The following JADE1 variants were observed in gnomAD, a reference collection of about 807,000 sequenced individuals.
JADE1 encodes protein Jade-1.
In JADE1, 14 loss-of-function variants were observed where a neutral mutation model predicts 81.8. The observed-to-expected ratio is 0.17, with a 90% CI of 0.11 to 0.27. JADE1 has a LOEUF of 0.27. Among genes scored for constraint, JADE1 ranks in the 10% least tolerant of loss-of-function variants. The pLI, the probability that JADE1 is intolerant of heterozygous loss-of-function variation, is 1.00. For synonymous variants in JADE1, 353 were observed against 391.9 expected (o/e 0.90, Z 1.17); for missense variants, 690 against 1,047.9 (o/e 0.66, Z 4.71).
At chr4:128,837,570 CAAAT>C (rs1368207652) in intron 2 of JADE1, among the ~76,000 whole-genome samples, 1 of 152,156 alleles carries the variant, frequency 6.6e-6, no homozygotes, top group Non-Finnish European at 1.5e-5. Context: ...GCCGCTAAAA[CAAAT>C]AAACAGTAAC....
chr4:128,821,870 A>G (rs1432653912), intron 1 of JADE1, among the ~76,000 whole-genome samples: 1 of 152,030 alleles, frequency 6.6e-6, no homozygotes, highest in Non-Finnish European at 1.5e-5. Flanking sequence ...GTTTTTTTCT[A>G]TTATTATTGC....
chr4:128,842,766 T>G (rs1729550924), intron 2 of JADE1, among the ~76,000 whole-genome samples, 187 bp from the exon 3 acceptor site: 1 of 152,174 alleles, frequency 6.6e-6, no homozygotes, highest in South Asian at 2.1e-4. Flanking sequence ...GGCCTGCTTA[T>G]GAGAGGTGAG....
At chr4:128,868,081 G>T in intron 10 of JADE1, 108 bp downstream of exon 10, 1 of 614,526 alleles carries the variant, frequency 1.6e-6, no homozygotes, top group Non-Finnish European at 2.9e-6. Flanking sequence ...AAGAATTTAA[G>T]AAGCATAGAC....
rs367597480 is a variant in JADE1, at chr4:128,867,879, G to A, written c.1527G>A (p.Val509=). ...LERVRNLTYM[V]TRREKIKRSV... is the part of the protein sequence containing the mutation. ...AGGTTCGGAACCTCACTTACATGGT[G>A]ACCCGCAGGGAAAAGATTAAACGGT... The change falls in exon 10 of 11, where the codon GTG becomes GTA. Residue 509 remains valine, a synonymous_variant. Coordinates refer to ENST00000226319, the MANE Select transcript of JADE1 (RefSeq NM_199320.4). 4 of 1,613,062 alleles carry A rather than the reference G, an allele frequency of 2.5e-6. No homozygotes were observed. In the African/African-American group the frequency reaches 5.3e-5, roughly 22 times the overall value.
At chr4:128,830,646 T>A (rs537255786) in intron 1 of JADE1, among the ~76,000 whole-genome samples, 46 of 152,350 alleles carry the variant, frequency 3.0e-4, no homozygotes, top group African/African-American at 1.1e-3. Context: ...ACTACCATAC[T>A]TTTTCTCACT....
chr4:128,834,858 T>C (rs1728855085), intron 2 of JADE1, among the ~76,000 whole-genome samples: 1 of 152,036 alleles, frequency 6.6e-6, no homozygotes, highest in South Asian at 2.1e-4. Context: ...AAAATATATA[T>C]GTTCAGGATG....
At chr4:128,858,574 T>C (rs763042586) in intron 8 of JADE1, among the ~76,000 whole-genome samples, 2 of 151,182 alleles carry the variant, frequency 1.3e-5, no homozygotes, top group Non-Finnish European at 2.9e-5. Context: ...TTTTGACTGA[T>C]AAATACTTTT....
At chr4:128,868,461 T>G (rs1731946256) in intron 10 of JADE1, among the ~76,000 whole-genome samples, 1 of 152,220 alleles carries the variant, frequency 6.6e-6, no homozygotes. Context: ...ACAGTAGATT[T>G]TTTTTGTGTA....
At chr4:128,832,071 C>G (rs919365945) in intron 2 of JADE1, among the ~76,000 whole-genome samples, 1 of 152,176 alleles carries the variant, frequency 6.6e-6, no homozygotes, top group Non-Finnish European at 1.5e-5. Context: ...CCAAGAGTCA[C>G]TGGTGTGTCT....
chr4:128,856,010 G>A (rs867080491), intron 7 of JADE1, among the ~76,000 whole-genome samples: 1 of 152,000 alleles, frequency 6.6e-6, no homozygotes, highest in Non-Finnish European at 1.5e-5. Context: ...GTAGTGAGGG[G>A]ATCTCACTTT....
chr4:128,860,301 G>A (rs1370846765), intron 8 of JADE1, among the ~76,000 whole-genome samples: 2 of 152,132 alleles, frequency 1.3e-5, no homozygotes, highest in African/African-American at 4.8e-5. Flanking sequence ...CAGTCTCTGT[G>A]GTTGAAGTGT....
intron 1 of JADE1, among the ~76,000 whole-genome samples, chr4:128,829,861 A>G (rs556084705): frequency 6.6e-6 from 1 of 151,554 alleles, no homozygotes; most frequent in Non-Finnish European, 1.5e-5. Flanking sequence ...TTCTTGTTCT[A>G]TCACAGTGGT....
intron 2 of JADE1, among the ~76,000 whole-genome samples, chr4:128,833,625 C>T (rs528826495): frequency 4.6e-5 from 7 of 152,216 alleles, no homozygotes; most frequent in Admixed American, 2.0e-4. Flanking sequence ...ACCCAGGAGA[C>T]GGAGGTTGCA....
At chr4:128,866,690 C>G (rs1378003584) in intron 9 of JADE1, among the ~76,000 whole-genome samples, 1 of 152,084 alleles carries the variant, frequency 6.6e-6, no homozygotes, top group African/African-American at 2.4e-5. Flanking sequence ...ATAAAGGTGT[C>G]AGGGGAAGAG....
intron 5 of JADE1, 109 bp downstream of exon 5, chr4:128,849,276 A>G (rs1369010147): frequency 6.7e-6 from 6 of 899,118 alleles, no homozygotes; most frequent in Non-Finnish European, 1.0e-5. Flanking sequence ...AGGCAGCTCC[A>G]TCATAGCTTT....
At chr4:128,868,752 A>G (rs1731969387) in intron 10 of JADE1, among the ~76,000 whole-genome samples, 1 of 152,178 alleles carries the variant, frequency 6.6e-6, no homozygotes, top group African/African-American at 2.4e-5. Context: ...CCCCAAAAGT[A>G]GGTAGTATAA....
chr4:128,851,305 T>C (rs952827486), intron 5 of JADE1, among the ~76,000 whole-genome samples: 1 of 152,234 alleles, frequency 6.6e-6, no homozygotes, highest in Non-Finnish European at 1.5e-5. Context: ...TTTAAAAATA[T>C]TTGAGTGCCC....
intron 1 of JADE1, among the ~76,000 whole-genome samples, chr4:128,826,615 CCT>C (rs1728098042): frequency 6.6e-6 from 1 of 151,262 alleles, no homozygotes; most frequent in Non-Finnish European, 1.5e-5. Flanking sequence ...CATAGTGGCT[CCT>C]CTCTATCTAT....
chr4:128,842,876 G>A, intron 2 of JADE1, 77 bp from the exon 3 acceptor site: 2 of 1,271,760 alleles, frequency 1.6e-6, no homozygotes, highest in Middle Eastern at 1.9e-4. Context: ...GGATGAGTTT[G>A]GGTAAGAAAA....
Sources: gnomAD v4.1 joint callset for allele counts (sites outside exome capture counted in the v4.1 genomes callset) on GRCh38, gnomAD v4.1.1 for gene constraint, MANE v1.5 for transcripts, NCBI Gene and HGNC (gene_info 2026-07-23, HGNC 2026-07-21) for gene names.